The following SLC6A2 variants were observed in gnomAD, a reference collection of about 807,000 sequenced individuals.
SLC6A2 encodes the protein sodium-dependent noradrenaline transporter.
Under a neutral mutation model 71.7 loss-of-function variants are expected in SLC6A2, and 26 were observed. That is an observed-to-expected ratio of 0.36 (90% CI 0.27 to 0.50). The LOEUF is 0.50. SLC6A2 is among the 20% of genes least tolerant of loss of function. The probability of loss-of-function intolerance (pLI) is 0.96; values close to 1 mark genes in which losing one functional copy is unlikely to be tolerated. For missense variants in SLC6A2, 581 were observed against 803.9 expected, an observed-to-expected ratio of 0.72 and a Z score of 3.35; for synonymous variants, 363 against 337.9, an observed-to-expected ratio of 1.07 and a Z score of -0.82.
At chr16:55,682,723 T>C (rs183805417) in intron 4 of SLC6A2, among the ~76,000 whole-genome samples, 39 of 152,226 alleles carry the variant, frequency 2.6e-4, no homozygotes, top group South Asian at 6.2e-4. Flanking sequence ...TCAAGGATGA[T>C]TGGGGGGCCT....
chr16:55,682,813 C>T (rs1196902141), intron 4 of SLC6A2, among the ~76,000 whole-genome samples: 4 of 152,176 alleles, frequency 2.6e-5, no homozygotes, highest in Non-Finnish European at 5.9e-5. Context: ...GAGTGTGAGG[C>T]ACAGAGAAGA....
rs114339653 is a variant in SLC6A2, at chr16:55,688,966, G to A, written c.784-2952G>A. On this transcript the variant is annotated intron_variant, in intron 5 of 14. Transcript: ENST00000568943. ...TATCCATAGAAATACCAGCAGGTAT[G>A]GATTTAAAGTGATAGAAAGCAGTGA... is the stretch of plus-strand genomic sequence containing the variant. 5.8e-3 allele frequency among the ~76,000 whole-genome samples: 886 copies of A among 152,284 alleles called. 13 individuals carry two copies. The highest frequency in any genetic ancestry group is 0.021 in the African/African-American group (861 of 41,552).
chr16:55,689,371 A>C (rs1450593749), intron 5 of SLC6A2, among the ~76,000 whole-genome samples: 3 of 152,226 alleles, frequency 2.0e-5, no homozygotes, highest in African/African-American at 4.8e-5. Flanking sequence ...TTGATGCTTG[A>C]ACTATAGTCA....
chr16:55,697,796 A>T, intron 9 of SLC6A2, 101 bp from the exon 10 acceptor site: 1 of 1,274,838 alleles, frequency 7.8e-7, no homozygotes, highest in South Asian at 1.2e-5. Context: ...GGCAGCCTAC[A>T]TGAGTCCTGG....
Position 55,702,748 on chromosome 16 carries a change from A to AG in SLC6A2, c.*402_*403insG, listed in dbSNP as rs1966013562. ...GGGCTTTTGATCAGATACCCCTCCC[A>AG]AAAAAAAAAAAAACTAAAACTAAAG... On this transcript the variant is annotated 3_prime_UTR_variant, in exon 15 of 15. Transcript: ENST00000568943. 1.6e-6 allele frequency: 1 copy of AG among 636,260 alleles called. No homozygotes were observed. The allele number at this position is 636,260 out of a possible 1,614,324, so 39.4% of individuals were successfully genotyped here.
chr16:55,702,034 C>A, intron 14 of SLC6A2, 100 bp downstream of exon 14: 1 of 970,622 alleles, frequency 1.0e-6, no homozygotes, highest in Non-Finnish European at 1.7e-6. Context: ...TCCAGAAAAC[C>A]CAGAAACCCA....
chr16:55,695,436 T>C (rs1965766924), intron 8 of SLC6A2, 34 bp downstream of exon 8: 1 of 1,613,002 alleles, frequency 6.2e-7, no homozygotes, highest in Non-Finnish European at 8.5e-7. Context: ...CCCAGCCCAC[T>C]GAGGCGGGAG....
At chr16:55,683,924 C>T (rs1292343801) in intron 4 of SLC6A2, among the ~76,000 whole-genome samples, 1 of 152,094 alleles carries the variant, frequency 6.6e-6, no homozygotes, top group African/African-American at 2.4e-5. Context: ...TGGAGTCAGA[C>T]GGAAGTGCTC....
intron 5 of SLC6A2, among the ~76,000 whole-genome samples, chr16:55,688,522 A>G (rs1965524293): frequency 2.0e-5 from 3 of 152,178 alleles, no homozygotes; most frequent in Admixed American, 1.3e-4. Flanking sequence ...AAGTGCAGAC[A>G]TTTATCATCT....
chr16:55,678,167 C>T (rs1341617667), intron 4 of SLC6A2, among the ~76,000 whole-genome samples: 2 of 151,902 alleles, frequency 1.3e-5, no homozygotes, highest in African/African-American at 2.4e-5. Context: ...GTGTAGGCTC[C>T]GGTTTTAGGT....
At chr16:55,665,759 A>G (rs1964731911) in intron 2 of SLC6A2, among the ~76,000 whole-genome samples, 1 of 151,704 alleles carries the variant, frequency 6.6e-6, no homozygotes. Context: ...AAACCTAATG[A>G]CCCCGGGCTT....
At position 55,699,493 on chromosome 16, in the gene SLC6A2, G is replaced by T. The variant is rs564862498; in HGVS notation, c.1490-61G>T. 3.1e-5 allele frequency: 42 copies of T among 1,349,232 alleles called. No individual in the cohort carries two copies. The South Asian group carries it at 4.8e-4, about 15-fold the overall frequency. The allele number at this position is 1,349,232 out of a possible 1,614,324, so 83.6% of individuals were successfully genotyped here. A position where few individuals can be genotyped will look rare whatever the true frequency, so the allele number is the denominator to read the frequency against. ...TCCACCTGGGGCCAGAACCTCATGG[G>T]AGGACCTGGCCCTGGCTATCATGGG... is the stretch of plus-strand genomic sequence containing the variant. On this transcript the variant is annotated intron_variant, in intron 11 of 14. Coordinates refer to ENST00000568943, the MANE Select transcript of SLC6A2 (RefSeq NM_001172501.3).
intron 5 of SLC6A2, among the ~76,000 whole-genome samples, chr16:55,691,128 A>G (rs1391792651): frequency 6.6e-6 from 1 of 150,824 alleles, no homozygotes. Flanking sequence ...GAAGAGATAA[A>G]CATAAGGGAG....
At chr16:55,676,035 A>G (rs1965076079) in intron 4 of SLC6A2, among the ~76,000 whole-genome samples, 1 of 152,184 alleles carries the variant, frequency 6.6e-6, no homozygotes, top group Non-Finnish European at 1.5e-5. Flanking sequence ...AAATACCCTC[A>G]ATGGTTCACT....
chr16:55,666,061 C>G (rs1466685746), intron 2 of SLC6A2, among the ~76,000 whole-genome samples: 1 of 152,218 alleles, frequency 6.6e-6, no homozygotes, highest in Non-Finnish European at 1.5e-5. Context: ...TTTGGAGACT[C>G]CCAGGCACTG....
Position 55,656,603 on chromosome 16 carries a change from G to T in SLC6A2, c.-51-41G>T. On this transcript the variant is annotated intron_variant, in intron 1 of 14. Coordinates refer to ENST00000568943, the MANE Select transcript of SLC6A2 (RefSeq NM_001172501.3). This position sits in a 1 kb window ranked among gnomAD's most constrained non-coding sequence, Gnocchi z 4.5. Reference sequence around the variant, plus strand: ...GGTCTTGGGAGTTGCAAGTAGGGAGGAACGGCCGGGTAACCACCTCTTTTC... The same window carrying T: ...GGTCTTGGGAGTTGCAAGTAGGGAGTAACGGCCGGGTAACCACCTCTTTTC... The T allele has an allele frequency of 6.5e-7, 1 of 1,544,776 alleles. No individual in the cohort carries two copies.
In SLC6A2 at chr16:55,705,217, T is replaced by C. The variant is rs1175115799; in HGVS notation, c.*2871T>C. The C allele has an allele frequency of 3.3e-6, 5 of 1,535,786 alleles. No individual in the cohort carries two copies. The African/African-American group carries it at 4.1e-5, about 13-fold the overall frequency. On this transcript the variant is annotated 3_prime_UTR_variant, in exon 15 of 15. Coordinates refer to ENST00000568943, the MANE Select transcript of SLC6A2 (RefSeq NM_001172501.3). ...CCCACCTTTTAGCTTTCATTCTAGATGAAAACGAGACAAGGGAGAAGGAGA... is the reference window on the plus strand; with the variant it reads ...CCCACCTTTTAGCTTTCATTCTAGACGAAAACGAGACAAGGGAGAAGGAGA...
intron 4 of SLC6A2, among the ~76,000 whole-genome samples, chr16:55,678,739 T>C (rs1275857972): frequency 6.6e-6 from 1 of 152,184 alleles, no homozygotes; most frequent in African/African-American, 2.4e-5. Context: ...AAGTGAGAAA[T>C]TGAGCTTTTT....
intron 2 of SLC6A2, among the ~76,000 whole-genome samples, chr16:55,667,838 T>C (rs1964796385): frequency 6.6e-6 from 1 of 152,200 alleles, no homozygotes; most frequent in African/African-American, 2.4e-5. Context: ...CTGTGGGGCA[T>C]GTTGGAAACA....
Sources: gnomAD v4.1 joint callset for allele counts (sites outside exome capture counted in the v4.1 genomes callset) on GRCh38, gnomAD v4.1.1 for gene constraint, Gnocchi (gnomAD v3.1) non-coding constraint, MANE v1.5 for transcripts, NCBI Gene and HGNC (gene_info 2026-07-23, HGNC 2026-07-21) for gene names.